The following SERPINE2 variants were observed in gnomAD, a reference collection of about 807,000 sequenced individuals.
SERPINE2 encodes the protein glia-derived nexin.
In SERPINE2, 14 loss-of-function variants were observed where a neutral mutation model predicts 36.3. That is an observed-to-expected ratio of 0.39 (90% CI 0.25 to 0.60). SERPINE2 has a LOEUF of 0.60. SERPINE2 is among the 20% of genes least tolerant of loss of function. The pLI, the probability that SERPINE2 is intolerant of heterozygous loss-of-function variation, is 0.57. For synonymous variants in SERPINE2, 192 were observed against 191.8 expected (o/e 1.00, Z -0.01); for missense variants, 418 against 499.6 (o/e 0.84, Z 1.56).
intron 1 of SERPINE2, among the ~76,000 whole-genome samples, chr2:224,035,616 G>A (rs548134735): frequency 6.6e-6 from 1 of 152,256 alleles, no homozygotes; most frequent in African/African-American, 2.4e-5. Context: ...TGATCCGCCT[G>A]GTTCAGCCTC....
intron 3 of SERPINE2, among the ~76,000 whole-genome samples, chr2:223,993,189 C>A (rs1433911182): frequency 6.6e-6 from 1 of 152,026 alleles, no homozygotes; most frequent in Admixed American, 6.5e-5. Flanking sequence ...TCCTAGAACT[C>A]CTAATTTTGA....
chr2:223,984,965 A>G lies in SERPINE2; in HGVS notation c.686-15T>C. The G allele has an allele frequency of 6.2e-7, 1 of 1,613,468 alleles. No individual in the cohort carries two copies. Among genetic ancestry groups the G allele is most frequent in the Non-Finnish European group, 8.5e-7 (1 of 1,179,380 alleles). On this transcript the variant is annotated splice_polypyrimidine_tract_variant and intron_variant, in intron 4 of 8. Coordinates refer to ENST00000409304, the MANE Select transcript of SERPINE2 (RefSeq NM_001136528.2). ...ACTTGTCGACCCTAAAGAAATCAGAAGCAGGTTCAGTGTATCCTTGTTGAC... is the reference window on the plus strand; with the variant it reads ...ACTTGTCGACCCTAAAGAAATCAGAGGCAGGTTCAGTGTATCCTTGTTGAC...
intron 7 of SERPINE2, chr2:223,978,457 TC>T (rs1248867957): frequency 3.3e-5 from 5 of 152,292 alleles, no homozygotes; most frequent in Non-Finnish European, 7.3e-5. Context: ...TGTAGACCAC[TC>T]ATCCGGGACC....
chr2:223,993,038 T>C lies in SERPINE2; in HGVS notation c.488-1038A>G, dbSNP rs192918238. On this transcript the variant is annotated intron_variant, in intron 3 of 8. Coordinates refer to ENST00000409304, the MANE Select transcript of SERPINE2 (RefSeq NM_001136528.2). ...TACTTGGGAGGCTGAGGTGGGAGGG[T>C]CGCCCGAGCCCAGGAGTTCGAGGCT... 1.7e-3 allele frequency among the ~76,000 whole-genome samples: 260 copies of C among 151,296 alleles called. 2 individuals are homozygous for C. The highest frequency in any genetic ancestry group is 6.1e-3 in the African/African-American group (252 of 41,206).
At chr2:224,004,556 T>C (rs1691319946) in intron 1 of SERPINE2, among the ~76,000 whole-genome samples, 1 of 152,230 alleles carries the variant, frequency 6.6e-6, no homozygotes, top group African/African-American at 2.4e-5. Flanking sequence ...TGGAGTTTCC[T>C]GGAGCCTACT....
chr2:224,015,645 C>A (rs555910122), intron 1 of SERPINE2, among the ~76,000 whole-genome samples: 1 of 152,324 alleles, frequency 6.6e-6, no homozygotes, highest in South Asian at 2.1e-4. Flanking sequence ...CTGGAAGAAT[C>A]ATTCACACTC....
chr2:223,993,538 G>A (rs1007603465), intron 3 of SERPINE2, among the ~76,000 whole-genome samples: 1 of 150,748 alleles, frequency 6.6e-6, no homozygotes, highest in Non-Finnish European at 1.5e-5. Flanking sequence ...ATATGTGTGT[G>A]TGTGTGTGTG....
chr2:224,021,614 T>C (rs1259526560), intron 1 of SERPINE2, among the ~76,000 whole-genome samples: 1 of 152,146 alleles, frequency 6.6e-6, no homozygotes, highest in Non-Finnish European at 1.5e-5. Context: ...CAGGGTAAAT[T>C]AGTAAGAGGA....
chr2:224,010,888 T>G (rs757666279), intron 1 of SERPINE2, among the ~76,000 whole-genome samples: 1 of 152,222 alleles, frequency 6.6e-6, no homozygotes, highest in Non-Finnish European at 1.5e-5. Context: ...AGGATCAAGC[T>G]AAGAAAACAG....
intron 1 of SERPINE2, among the ~76,000 whole-genome samples, chr2:224,026,375 T>C (rs1692184030): frequency 6.6e-6 from 1 of 152,242 alleles, no homozygotes; most frequent in Non-Finnish European, 1.5e-5. Flanking sequence ...CAAGAACAAG[T>C]ACTAAATCTG....
intron 3 of SERPINE2, among the ~76,000 whole-genome samples, chr2:223,997,208 G>A (rs200418356): frequency 7.4e-6 from 1 of 135,774 alleles, no homozygotes; most frequent in Non-Finnish European, 1.6e-5. Flanking sequence ...AGGTTTTTTT[G>A]TTTTTTTGTT....
chr2:224,010,557 A>T (rs1286917993), intron 1 of SERPINE2, among the ~76,000 whole-genome samples: 2 of 152,150 alleles, frequency 1.3e-5, no homozygotes, highest in Non-Finnish European at 2.9e-5. Context: ...AGATTACAGG[A>T]TATTCATTCT....
intron 1 of SERPINE2, among the ~76,000 whole-genome samples, chr2:224,016,894 C>A (rs1691818299): frequency 6.6e-6 from 1 of 152,146 alleles, no homozygotes; most frequent in Non-Finnish European, 1.5e-5. Flanking sequence ...GTGTGTAATT[C>A]CATGTATATA....
At chr2:223,988,576 A>C (rs1690528500) in intron 4 of SERPINE2, among the ~76,000 whole-genome samples, 1 of 152,248 alleles carries the variant, frequency 6.6e-6, no homozygotes, top group South Asian at 2.1e-4. Flanking sequence ...AAGAAGATGG[A>C]AATATAAATT....
At chr2:224,011,742 TATCA>T in intron 1 of SERPINE2, among the ~76,000 whole-genome samples, 1 of 152,368 alleles carries the variant, frequency 6.6e-6, no homozygotes, top group African/African-American at 2.4e-5. Context: ...ATACCCCTTC[TATCA>T]ATCAATCCTA....
chr2:223,976,931 T>C (rs951600800), intron 8 of SERPINE2, among the ~76,000 whole-genome samples: 1 of 152,198 alleles, frequency 6.6e-6, no homozygotes, highest in African/African-American at 2.4e-5. Context: ...AACTGAATCA[T>C]AGGAGCAGTT....
At chr2:223,983,246 T>G (rs1690290779) in intron 5 of SERPINE2, among the ~76,000 whole-genome samples, 2 of 152,206 alleles carry the variant, frequency 1.3e-5, no homozygotes, top group East Asian at 3.9e-4. Context: ...ACATTCCTGA[T>G]AGTTCATTTT....
At chr2:224,038,091 A>T (rs866336) in intron 1 of SERPINE2, among the ~76,000 whole-genome samples, 97,781 of 152,040 alleles carry the variant, frequency 0.64, 31,675 homozygotes, top group South Asian at 0.71. Context: ...AATGTTGACA[A>T]TTCTTCCAGT....
intron 1 of SERPINE2, among the ~76,000 whole-genome samples, chr2:224,032,469 C>T (rs1692410942): frequency 6.6e-6 from 1 of 152,100 alleles, no homozygotes; most frequent in Non-Finnish European, 1.5e-5. Flanking sequence ...GAGAAATTCC[C>T]CAGGTTACGA....
Sources: gnomAD v4.1 joint callset for allele counts (sites outside exome capture counted in the v4.1 genomes callset) on GRCh38, gnomAD v4.1.1 for gene constraint, MANE v1.5 for transcripts, NCBI Gene and HGNC (gene_info 2026-07-23, HGNC 2026-07-21) for gene names.